RPS6KA2: variants seen among roughly 807,000 people sequenced by gnomAD.
The protein encoded by RPS6KA2 is ribosomal protein S6 kinase alpha-2.
Under a neutral mutation model 91.8 loss-of-function variants are expected in RPS6KA2, and 42 were observed. The ratio of observed to expected loss-of-function variants is 0.46; its 90% CI spans 0.36 to 0.59. The LOEUF (loss-of-function observed/expected upper bound fraction) is 0.59, where lower values mean the gene tolerates loss of function less well. Among genes scored for constraint, RPS6KA2 ranks in the 20% least tolerant of loss-of-function variants. The probability of loss-of-function intolerance (pLI) is 0.00; values close to 1 mark genes in which losing one functional copy is unlikely to be tolerated. For missense variants in RPS6KA2, 798 were observed against 978.5 expected, an observed-to-expected ratio of 0.82 and a Z score of 2.46; for synonymous variants, 414 against 393.6, an observed-to-expected ratio of 1.05 and a Z score of -0.61.
chr6:166,744,511 G>A lies in RPS6KA2; in HGVS notation c.123+113689C>T, dbSNP rs1452328278. Among the ~76,000 whole-genome samples, 6 of 152,214 alleles carry A rather than the reference G, an allele frequency of 3.9e-5. No homozygotes were observed. The East Asian group carries it at 9.6e-4, about 24-fold the overall frequency. On this transcript the variant is annotated intron_variant, in intron 2 of 21. Transcript: ENST00000503859. ...TATGGCGACAGACTTAAGAAAAAACGGTGCTGGGCCTCAGCCCCCAGGGAC... is the reference window on the plus strand; with the variant it reads ...TATGGCGACAGACTTAAGAAAAAACAGTGCTGGGCCTCAGCCCCCAGGGAC...
At chr6:166,454,088 C>T (rs1214544200) in intron 12 of RPS6KA2, among the ~76,000 whole-genome samples, 1 of 152,150 alleles carries the variant, frequency 6.6e-6, no homozygotes, top group East Asian at 1.9e-4. Flanking sequence ...TGAGAAATTA[C>T]TTAATGGGTA....
chr6:166,641,424 T>TA (rs1787427744), intron 2 of RPS6KA2, among the ~76,000 whole-genome samples: 2 of 151,854 alleles, frequency 1.3e-5, no homozygotes, highest in Non-Finnish European at 2.9e-5. Flanking sequence ...ATAATTTAAA[T>TA]AAAAAATTCA....
intron 5 of RPS6KA2, 61 bp from the exon 6 acceptor site, chr6:166,504,673 G>A (rs1782135586): frequency 8.1e-7 from 1 of 1,235,198 alleles, no homozygotes; most frequent in Non-Finnish European, 1.2e-6. Flanking sequence ...TGGCTGGTGT[G>A]TTTTAAAGAA....
chr6:166,446,825 C>G (rs1221239996), intron 14 of RPS6KA2, among the ~76,000 whole-genome samples: 1 of 152,162 alleles, frequency 6.6e-6, no homozygotes, highest in East Asian at 1.9e-4. Flanking sequence ...GTGATTGTTT[C>G]TGGGATTGCT....
At chr6:166,781,263 TCA>T (rs1456470462) in intron 2 of RPS6KA2, among the ~76,000 whole-genome samples, 2 of 152,224 alleles carry the variant, frequency 1.3e-5, no homozygotes, top group African/African-American at 4.8e-5. Context: ...GAACCGCATT[TCA>T]CTCTTAATTA....
rs140927501 is a variant in RPS6KA2, at chr6:166,649,668, G to A, written c.124-110884C>T. ...ATGCAACCCCCACTCCCAGGGCAAG[G>A]CCTTGCAGGCAGGAGGTGCTCAGTA... On this transcript the variant is annotated intron_variant, in intron 2 of 21. Transcript: ENST00000503859. Among the ~76,000 whole-genome samples, 499 of 152,290 alleles carry A rather than the reference G, an allele frequency of 3.3e-3. 2 individuals carry two copies. Among genetic ancestry groups the A allele is most frequent in the African/African-American group, 0.012 (485 of 41,544 alleles).
chr6:166,418,190 G>T lies in RPS6KA2; in HGVS notation c.1938+35C>A. 1 of 1,384,542 alleles carries T rather than the reference G, an allele frequency of 7.2e-7. No homozygotes were observed. Among genetic ancestry groups the T allele is most frequent in the Non-Finnish European group, 1.0e-6 (1 of 980,726 alleles). 85.8% of individuals were successfully genotyped at this position (1,384,542 alleles called of 1,614,324 possible). A position where few individuals can be genotyped will look rare whatever the true frequency, so the allele number is the denominator to read the frequency against. On this transcript the variant is annotated intron_variant, in intron 19 of 20. Transcript: ENST00000265678. The surrounding 1 kb of genome is among the most constrained non-coding windows in gnomAD (Gnocchi z 4.9). The stretch of plus-strand genomic sequence containing the variant: ...AAATCATATGGCTATTTCAGAATCT[G>T]AATATTTAAAAGCAACGCTGGGACA...
intron 2 of RPS6KA2, among the ~76,000 whole-genome samples, chr6:166,786,031 T>C (rs1360149323): frequency 1.3e-5 from 2 of 152,226 alleles, no homozygotes; most frequent in African/African-American, 2.4e-5. Context: ...CAGAAAACCA[T>C]ACAATTCAGA....
intron 3 of RPS6KA2, among the ~76,000 whole-genome samples, chr6:166,513,084 C>T (rs994362820): frequency 1.3e-5 from 2 of 152,156 alleles, no homozygotes; most frequent in Non-Finnish European, 2.9e-5. Context: ...TGATGAGCTT[C>T]AAAACATCAC....
intron 2 of RPS6KA2, among the ~76,000 whole-genome samples, chr6:166,792,865 A>C (rs1779127854): frequency 6.6e-6 from 1 of 152,070 alleles, no homozygotes; most frequent in African/African-American, 2.4e-5. Flanking sequence ...CAAAATAATA[A>C]AAGCTATTTG....
intron 2 of RPS6KA2, among the ~76,000 whole-genome samples, chr6:166,705,246 C>T (rs1468221299): frequency 1.3e-5 from 2 of 152,236 alleles, no homozygotes; most frequent in Non-Finnish European, 2.9e-5. Context: ...CCAGCTGGGA[C>T]GTTTCCCATA....
chr6:166,731,027 G>A (rs1790495330), intron 2 of RPS6KA2, among the ~76,000 whole-genome samples: 1 of 152,222 alleles, frequency 6.6e-6, no homozygotes, highest in African/African-American at 2.4e-5. Context: ...CGGATCACCT[G>A]AGGTCGGGCG....
intron 1 of RPS6KA2, among the ~76,000 whole-genome samples, chr6:166,597,549 G>A (rs1367834156): frequency 6.6e-6 from 1 of 152,068 alleles, no homozygotes; most frequent in Non-Finnish European, 1.5e-5. Flanking sequence ...TAGGAGGATT[G>A]GAATAAAGAT....
intron 14 of RPS6KA2, among the ~76,000 whole-genome samples, chr6:166,442,965 T>C (rs1321297923): frequency 1.3e-5 from 2 of 152,196 alleles, no homozygotes; most frequent in Non-Finnish European, 2.9e-5. Context: ...CATATAACTT[T>C]TGACTTCGCC....
chr6:166,797,465 A>C (rs1057382809), intron 2 of RPS6KA2, among the ~76,000 whole-genome samples: 1 of 152,200 alleles, frequency 6.6e-6, no homozygotes, highest in African/African-American at 2.4e-5. Context: ...TGGAAGCCTT[A>C]CTGATAACAT....
intron 1 of RPS6KA2, among the ~76,000 whole-genome samples, chr6:166,576,449 T>C (rs549728654): frequency 2.0e-5 from 3 of 152,290 alleles, no homozygotes; most frequent in African/African-American, 4.8e-5. Flanking sequence ...GATAATGACG[T>C]AGACAATAAA....
At chr6:166,807,577 GTA>G (rs1223832228) in intron 2 of RPS6KA2, among the ~76,000 whole-genome samples, 1 of 151,786 alleles carries the variant, frequency 6.6e-6, no homozygotes, top group Non-Finnish European at 1.5e-5. Flanking sequence ...CTTAGTCTGA[GTA>G]GCAGCCCCAT....
chr6:166,631,323 T>C (rs962657528), upstream of RPS6KA2, among the ~76,000 whole-genome samples: 2 of 152,304 alleles, frequency 1.3e-5, no homozygotes, highest in Admixed American at 1.3e-4. Context: ...ACTTGACCCT[T>C]ATTGACTGGC....
chr6:166,463,495 T>C (rs1780403580), intron 11 of RPS6KA2: 1 of 152,196 alleles, frequency 6.6e-6, no homozygotes, highest in African/African-American at 2.4e-5. Context: ...AATGACACAG[T>C]GTGGCCGCAG....
Sources: gnomAD v4.1 joint callset for allele counts (sites outside exome capture counted in the v4.1 genomes callset) on GRCh38, gnomAD v4.1.1 for gene constraint, Gnocchi (gnomAD v3.1) non-coding constraint, MANE v1.5 for transcripts, NCBI Gene and HGNC (gene_info 2026-07-23, HGNC 2026-07-21) for gene names.